NEB: variants seen among roughly 807,000 people sequenced by gnomAD.
The protein encoded by NEB is nebulin.
A neutral mutation model predicts 952.2 loss-of-function variants in NEB; 512 were observed. That is an observed-to-expected ratio of 0.54 (90% CI 0.50 to 0.58). The LOEUF is 0.58. NEB is among the 20% of genes least tolerant of loss of function. The pLI is 0.00. For synonymous variants in NEB, 2,900 were observed against 3,149.8 expected, an observed-to-expected ratio of 0.92 and a Z score of 2.66; for missense variants, 8,428 against 9,231.1, an observed-to-expected ratio of 0.91 and a Z score of 3.56.
intron 74 of NEB, 143 bp downstream of exon 74, chr2:151,618,132 G>A: frequency 2.7e-6 from 2 of 734,630 alleles, no homozygotes; most frequent in Non-Finnish European, 4.6e-6. Context: ...GTATCACTAA[G>A]TAACTATGGT....
chr2:151,530,843 C>T (rs959319703), intron 145 of NEB, 151 bp downstream of exon 145: 2 of 585,700 alleles, frequency 3.4e-6, no homozygotes, highest in South Asian at 2.4e-5. Context: ...GTCAACTTAC[C>T]GAATCATGAG....
chr2:151,722,659 T>TGAGACTA (rs2099778086), intron 9 of NEB, among the ~76,000 whole-genome samples: 1 of 152,176 alleles, frequency 6.6e-6, no homozygotes, highest in Admixed American at 6.5e-5. Context: ...TCCTCCTACC[T>TGAGACTA]CAGCCTCCTG....
At chr2:151,540,652 A>G (rs1405616959) in intron 137 of NEB, 45 bp downstream of exon 137, 1 of 1,536,676 alleles carries the variant, frequency 6.5e-7, no homozygotes. Flanking sequence ...TTAACAAAGT[A>G]TTTTTCTTTT....
At chr2:151,549,776 G>T (rs541043625) in intron 129 of NEB, 36 bp from the exon 130 acceptor site, 6 of 1,276,842 alleles carry the variant, frequency 4.7e-6, no homozygotes, top group South Asian at 1.3e-5. Flanking sequence ...AAATGACATC[G>T]GGCATCAAGT....
Position 151,561,310 on chromosome 2 carries a change from T to C in NEB, c.18999A>G (p.Leu6333=). The C allele has an allele frequency of 6.3e-7, 1 of 1,586,170 alleles. No homozygotes were observed. The highest frequency in any genetic ancestry group is 8.6e-7 in the Non-Finnish European group (1 of 1,165,002). ...AKKSYDLQSQ[L]QYTAAGKENL... is the part of the protein sequence containing the mutation. Reference sequence around the variant, plus strand: ...TTTCTTTACCTGCTGCTGTATATTGTAGCTGTGAAGAAAAACAAAAGTCAT... The same window carrying C: ...TTTCTTTACCTGCTGCTGTATATTGCAGCTGTGAAGAAAAACAAAAGTCAT... The change falls in exon 122 of 182, where the codon CTA becomes CTG. Residue 6333 remains leucine (L), a splice_region_variant and synonymous_variant. Transcript: ENST00000397345.
intron 46 of NEB, among the ~76,000 whole-genome samples, chr2:151,659,940 C>T (rs2099128144): frequency 6.6e-6 from 1 of 152,046 alleles, no homozygotes; most frequent in Non-Finnish European, 1.5e-5. Context: ...TAACTTATGG[C>T]CTCTAGCCTT....
At chr2:151,591,828 C>T (rs1457259343) in intron 95 of NEB, among the ~76,000 whole-genome samples, 1 of 152,310 alleles carries the variant, frequency 6.6e-6, no homozygotes, top group African/African-American at 2.4e-5. Context: ...TTGGAGAAAC[C>T]ATTCCATTTT....
chr2:151,618,518 G>A (rs771058293), intron 73 of NEB, 40 bp from the exon 74 acceptor site: 1 of 1,567,914 alleles, frequency 6.4e-7, no homozygotes, highest in Non-Finnish European at 8.7e-7. Context: ...ATTAATTAGT[G>A]TTTCAGATTC....
At position 151,533,445 on chromosome 2, in the gene NEB, G is replaced by A. The variant is rs774425088; in HGVS notation, c.21414C>T (p.Ser7138=). 2 of 1,545,956 alleles carry A rather than the reference G, an allele frequency of 1.3e-6. No homozygotes were observed. Among genetic ancestry groups the A allele is most frequent in the South Asian group, 2.4e-5 (2 of 83,900 alleles). Residue 7138 remains serine (S), a synonymous_variant, in exon 143 of 182, where the codon AGC becomes AGT. Transcript: ENST00000397345. ...TTCACATCCCATCAGACATTACCTG[G>A]CTCCACATATGCGAATTGTAGAGAG... ...LTALYNSHMW[S]QIKYRKNYEK...
chr2:151,643,454 T>G, intron 57 of NEB, 101 bp from the exon 58 acceptor site: 3 of 995,242 alleles, frequency 3.0e-6, no homozygotes, highest in Non-Finnish European at 4.3e-6. Flanking sequence ...AAAGTTCATA[T>G]TATACTCTAT....
At chr2:151,512,353 A>T (rs1242233901) in intron 161 of NEB, among the ~76,000 whole-genome samples, 3 of 149,818 alleles carry the variant, frequency 2.0e-5, no homozygotes, top group Non-Finnish European at 4.4e-5. Flanking sequence ...TTTTTTTAAG[A>T]GTCTCACCCT....
rs541126160 is a variant in NEB at position 151,497,626 on chromosome 2, C to G, written c.24300G>C (p.Ser8100=). Residue 8100 remains serine (S), a splice_region_variant and synonymous_variant, in exon 171 of 182, where the codon TCG becomes TCC. Transcript: ENST00000397345. The part of the protein sequence containing the change: ...RVKHNQENIS[S]VLYKENMGKG... ...TTTTTTTCTTTTCTTGCCAAAGTAC[C>G]GAGCTAATATTTTCTTGATTGTGTT... 3.8e-5 allele frequency: 59 copies of G among 1,569,106 alleles called. No individual in the cohort carries two copies. Among genetic ancestry groups the G allele is most frequent in the Middle Eastern group, 1.7e-4 (1 of 6,026 alleles).
intron 120 of NEB, 134 bp downstream of exon 120, chr2:151,562,477 T>C: frequency 1.1e-6 from 1 of 925,288 alleles, no homozygotes; most frequent in Non-Finnish European, 1.6e-6. Context: ...AAGTGGCTCA[T>C]GCCACTTTGT....
intron 146 of NEB, 71 bp downstream of exon 146, chr2:151,529,139 A>T (rs1397136573): frequency 7.8e-6 from 8 of 1,023,294 alleles, no homozygotes; most frequent in Non-Finnish European, 1.1e-5. Flanking sequence ...GAAGAGATGT[A>T]AAAAGAGGCC....
chr2:151,527,063 G>A, intron 147 of NEB, 41 bp from the exon 148 acceptor site: 1 of 1,345,506 alleles, frequency 7.4e-7, no homozygotes, highest in Non-Finnish European at 1.0e-6. Flanking sequence ...AAGGGTGACA[G>A]CACAGGAGGA....
intron 27 of NEB, 114 bp from the exon 28 acceptor site, chr2:151,685,089 T>C (rs2099484533): frequency 7.6e-6 from 9 of 1,179,432 alleles, no homozygotes; most frequent in Admixed American, 2.3e-5. Context: ...AACATCTGAG[T>C]AGTTATTTTG....
At chr2:151,696,769 A>G in intron 16 of NEB, 34 bp from the exon 17 acceptor site, 9 of 1,542,738 alleles carry the variant, frequency 5.8e-6, no homozygotes, top group Non-Finnish European at 8.1e-6. Context: ...GTTTAGTAGT[A>G]TCACCTGTCA....
chr2:151,702,041 G>A (rs1473305737), intron 13 of NEB, among the ~76,000 whole-genome samples: 22 of 148,814 alleles, frequency 1.5e-4, no homozygotes, highest in Admixed American at 4.0e-4. Context: ...CTTTGAATGC[G>A]TCCCAGAGAT....
chr2:151,695,234 G>T (rs1359426611), intron 18 of NEB, among the ~76,000 whole-genome samples: 2 of 151,988 alleles, frequency 1.3e-5, no homozygotes, highest in African/African-American at 4.8e-5. Flanking sequence ...GGACATTATA[G>T]GCCCAGGGAA....
Sources: gnomAD v4.1 joint callset for allele counts (sites outside exome capture counted in the v4.1 genomes callset) on GRCh38, gnomAD v4.1.1 for gene constraint, MANE v1.5 for transcripts, NCBI Gene and HGNC (gene_info 2026-07-23, HGNC 2026-07-21) for gene names.